Variants in MAML3 observed in about 807,000 individuals in gnomAD.
The protein encoded by MAML3 is mastermind-like protein 3.
Under a neutral mutation model 101.9 loss-of-function variants are expected in MAML3, and 27 were observed. The ratio of observed to expected loss-of-function variants is 0.27; its 90% CI spans 0.20 to 0.37. The LOEUF is 0.37. MAML3 is among the 10% of genes least tolerant of loss of function. MAML3 has a pLI of 1.00. For synonymous variants in MAML3, 501 were observed against 555.9 expected, an observed-to-expected ratio of 0.90 and a Z score of 1.39; for missense variants, 1,316 against 1,444.9, an observed-to-expected ratio of 0.91 and a Z score of 1.45.
chr4:140,029,187 G>A (rs1272994743), intron 1 of MAML3, among the ~76,000 whole-genome samples: 2 of 152,184 alleles, frequency 1.3e-5, no homozygotes, highest in African/African-American at 2.4e-5. Flanking sequence ...TCAGCACAGG[G>A]TAGCAGCAAC....
At chr4:140,064,275 C>G (rs909485685) in intron 1 of MAML3, among the ~76,000 whole-genome samples, 26 of 152,226 alleles carry the variant, frequency 1.7e-4, no homozygotes, top group African/African-American at 5.8e-4. Flanking sequence ...CTATAAAGTA[C>G]CTACTGCAAT....
chr4:139,829,285 A>AAAAGG (rs962719594), intron 2 of MAML3, among the ~76,000 whole-genome samples: 13 of 150,226 alleles, frequency 8.7e-5, no homozygotes, highest in African/African-American at 3.3e-4. Context: ...AAGAAAAAAG[A>AAAAGG]AAAGGAAAGG....
chr4:139,888,990 C>T (rs1732398991), intron 2 of MAML3, among the ~76,000 whole-genome samples: 1 of 152,152 alleles, frequency 6.6e-6, no homozygotes, highest in African/African-American at 2.4e-5. Flanking sequence ...TTCCCACCAC[C>T]CAGAGCCTGG....
At chr4:139,743,616 G>A (rs557513815) in intron 2 of MAML3, among the ~76,000 whole-genome samples, 1 of 152,138 alleles carries the variant, frequency 6.6e-6, no homozygotes, top group Non-Finnish European at 1.5e-5. Flanking sequence ...TGACAAACCT[G>A]GAAACTGAAC....
At position 140,153,456 on chromosome 4, in the gene MAML3, C is replaced by A. The variant is rs1578713840; in HGVS notation, c.-129G>T. The stretch of plus-strand genomic sequence containing the variant: ...GGAGACGCAAGCACATGGATGGAAA[C>A]GGCGATCCCGACGGGGCGAAAAAAA... On this transcript the variant is annotated 5_prime_UTR_variant, in exon 1 of 5. Transcript: ENST00000509479. 2 of 1,034,032 alleles carry A rather than the reference C, an allele frequency of 1.9e-6. No homozygotes were observed. The highest frequency in any genetic ancestry group is 7.0e-5 in the East Asian group (2 of 28,664). The allele number at this position is 1,034,032 out of a possible 1,614,324, so 64.1% of individuals were successfully genotyped here. A position where few individuals can be genotyped will look rare whatever the true frequency, so the allele number is the denominator to read the frequency against.
chr4:140,125,933 C>T (rs1170202225), intron 1 of MAML3, among the ~76,000 whole-genome samples: 1 of 151,952 alleles, frequency 6.6e-6, no homozygotes, highest in African/African-American at 2.4e-5. Flanking sequence ...CACGTGCCAC[C>T]ACACCAGCTA....
chr4:139,786,934 C>T (rs946291337), intron 2 of MAML3, among the ~76,000 whole-genome samples: 1 of 152,236 alleles, frequency 6.6e-6, no homozygotes, highest in African/African-American at 2.4e-5. Context: ...CATCCCTTGT[C>T]AGAGCCTACA....
At chr4:139,776,654 G>T (rs916343446) in intron 2 of MAML3, among the ~76,000 whole-genome samples, 3 of 152,176 alleles carry the variant, frequency 2.0e-5, no homozygotes, top group African/African-American at 7.2e-5. Context: ...GCAAAATGGT[G>T]CATTTAAACC....
Position 139,821,037 on chromosome 4 carries a change from A to G in MAML3, c.2079+68320T>C, listed in dbSNP as rs57259132. On this transcript the variant is annotated intron_variant, in intron 2 of 4. Transcript: ENST00000509479. ...CTGGTGACACAGTTTGAAATTTGCT[A>G]TGAGAAAAACCATTGCCAAATTGAT... Among the ~76,000 whole-genome samples, 928 of 152,334 alleles carry G rather than the reference A, an allele frequency of 6.1e-3. 13 individuals carry two copies. Among genetic ancestry groups the G allele is most frequent in the African/African-American group, 0.021 (873 of 41,578 alleles).
intron 1 of MAML3, among the ~76,000 whole-genome samples, chr4:140,043,253 T>G (rs1404709680): frequency 3.3e-5 from 5 of 152,208 alleles, no homozygotes; most frequent in Non-Finnish European, 7.3e-5. Context: ...CACTTAGGTC[T>G]GCTAAATCTA....
intron 1 of MAML3, among the ~76,000 whole-genome samples, chr4:140,096,611 A>T (rs1435629006): frequency 6.6e-6 from 1 of 152,152 alleles, no homozygotes; most frequent in Non-Finnish European, 1.5e-5. Flanking sequence ...AGAAGAGGCG[A>T]GGTGGCAAGA....
chr4:139,930,814 A>C (rs769682), intron 1 of MAML3, among the ~76,000 whole-genome samples: 77,303 of 151,850 alleles, frequency 0.51, 22,879 homozygotes, highest in African/African-American at 0.8. Flanking sequence ...TATGTTGGTT[A>C]CTTCAGTTCT....
At chr4:140,063,493 G>C (rs529026687) in intron 1 of MAML3, among the ~76,000 whole-genome samples, 2 of 152,292 alleles carry the variant, frequency 1.3e-5, no homozygotes, top group Non-Finnish European at 1.5e-5. Context: ...CACACTCACT[G>C]TGGGGCCCTC....
intron 1 of MAML3, among the ~76,000 whole-genome samples, chr4:140,044,764 T>A (rs1409573645): frequency 6.6e-6 from 1 of 152,176 alleles, no homozygotes; most frequent in Non-Finnish European, 1.5e-5. Flanking sequence ...TGTCTCCCGA[T>A]CCACAGGAGT....
intron 1 of MAML3, 59 bp downstream of exon 1, chr4:140,152,801 C>A: frequency 1.9e-6 from 3 of 1,566,338 alleles, no homozygotes; most frequent in Admixed American, 1.8e-5. Context: ...TCCACGCGCC[C>A]CCCACCACCA....
intron 1 of MAML3, among the ~76,000 whole-genome samples, chr4:140,022,989 T>C (rs1726756501): frequency 6.6e-6 from 1 of 152,218 alleles, no homozygotes; most frequent in African/African-American, 2.4e-5. Context: ...AGGGGTTCCA[T>C]GGTCAAATAA....
At chr4:140,151,449 C>G (rs1729165923) in intron 1 of MAML3, among the ~76,000 whole-genome samples, 1 of 151,952 alleles carries the variant, frequency 6.6e-6, no homozygotes, top group Admixed American at 6.5e-5. Context: ...TCTTTGTCAC[C>G]GAGCGCCGGC....
At chr4:140,022,335 C>G (rs751300739) in intron 1 of MAML3, among the ~76,000 whole-genome samples, 1 of 152,146 alleles carries the variant, frequency 6.6e-6, no homozygotes, top group Admixed American at 6.5e-5. Context: ...ACTATTGGAA[C>G]AGCCTGTTCA....
chr4:140,060,273 G>A (rs1327597599), intron 1 of MAML3, among the ~76,000 whole-genome samples: 1 of 148,990 alleles, frequency 6.7e-6, no homozygotes, highest in Non-Finnish European at 1.5e-5. Context: ...GGCTGAGGCA[G>A]GAGAATTGCT....
Sources: allele counts gnomAD v4.1 joint callset (sites outside exome capture counted in the v4.1 genomes callset), GRCh38; gene constraint gnomAD v4.1.1; transcripts MANE v1.5; gene names NCBI Gene and HGNC (gene_info 2026-07-23, HGNC 2026-07-21).